The following SIPA1L2 variants were observed in gnomAD, a reference collection of about 807,000 sequenced individuals.
SIPA1L2 encodes signal-induced proliferation-associated 1-like protein 2.
Under a neutral mutation model 163.9 loss-of-function variants are expected in SIPA1L2, and 56 were observed. The ratio of observed to expected loss-of-function variants is 0.34; its 90% confidence interval spans 0.28 to 0.43. The LOEUF (loss-of-function observed/expected upper bound fraction) is 0.43. Ranked by LOEUF, SIPA1L2 falls within the 20% of genes least tolerant of loss-of-function variation. The pLI, the probability that SIPA1L2 is intolerant of heterozygous loss-of-function variation, is 1.00. For synonymous variants in SIPA1L2, 877 were observed against 865.7 expected, an observed-to-expected ratio of 1.01 and a Z score of -0.23; for missense variants, 1,974 against 2,193.5, an observed-to-expected ratio of 0.90 and a Z score of 2.00.
At chr1:232,484,299 T>G (rs1390778097) in intron 5 of SIPA1L2, among the ~76,000 whole-genome samples, 1 of 152,184 alleles carries the variant, frequency 6.6e-6, no homozygotes, top group Admixed American at 6.5e-5. Context: ...ATACTTCATC[T>G]TACACACTTC....
intron 10 of SIPA1L2, among the ~76,000 whole-genome samples, chr1:232,452,865 G>C (rs1369841782): frequency 6.6e-6 from 1 of 151,992 alleles, no homozygotes; most frequent in African/African-American, 2.4e-5. Context: ...AACAGCAGAG[G>C]GTGCATCAAG....
At chr1:232,413,962 G>A (rs764016992) in intron 19 of SIPA1L2, among the ~76,000 whole-genome samples, 6 of 152,166 alleles carry the variant, frequency 3.9e-5, no homozygotes, top group African/African-American at 7.2e-5. Flanking sequence ...TAAAGACAGC[G>A]TCCCTGTGCT....
intron 10 of SIPA1L2, among the ~76,000 whole-genome samples, chr1:232,452,760 G>C (rs561985808): frequency 1.3e-5 from 2 of 152,300 alleles, no homozygotes; most frequent in East Asian, 1.9e-4. Context: ...CCATTAAAGA[G>C]AGAGTTTGGG....
chr1:232,516,851 T>C (rs1249201818), intron 2 of SIPA1L2, among the ~76,000 whole-genome samples: 1 of 152,218 alleles, frequency 6.6e-6, no homozygotes, highest in African/African-American at 2.4e-5. Flanking sequence ...AGCTATATTA[T>C]AGCTTTTGTT....
intron 2 of SIPA1L2, among the ~76,000 whole-genome samples, chr1:232,556,573 T>C (rs1296803902): frequency 6.6e-6 from 1 of 152,178 alleles, no homozygotes; most frequent in Non-Finnish European, 1.5e-5. Flanking sequence ...ACCAGACAGA[T>C]AAGTGTGTCA....
chr1:232,561,998 C>A (rs1163185273), intron 2 of SIPA1L2, among the ~76,000 whole-genome samples: 3 of 152,222 alleles, frequency 2.0e-5, no homozygotes, highest in Non-Finnish European at 4.4e-5. Flanking sequence ...GCGCCAGCTG[C>A]TCTGAGAGGC....
chr1:232,561,927 C>G (rs1423189557), intron 2 of SIPA1L2, among the ~76,000 whole-genome samples: 6 of 152,196 alleles, frequency 3.9e-5, no homozygotes, highest in African/African-American at 1.4e-4. Context: ...GATTACTAAA[C>G]CTTTTCCAGG....
chr1:232,549,861 A>G (rs1414390710), intron 2 of SIPA1L2, among the ~76,000 whole-genome samples: 1 of 152,208 alleles, frequency 6.6e-6, no homozygotes, highest in Non-Finnish European at 1.5e-5. Flanking sequence ...GCCTTAGATT[A>G]TAATAACCAG....
intron 1 of SIPA1L2, among the ~76,000 whole-genome samples, chr1:232,615,547 A>T (rs542241175): frequency 3.2e-4 from 48 of 152,014 alleles, no homozygotes; most frequent in African/African-American, 1.1e-3. Context: ...CTCCCAAGAA[A>T]CCCTCTGGCT....
chr1:232,446,098 T>C (rs760769527), intron 10 of SIPA1L2, among the ~76,000 whole-genome samples: 4 of 152,172 alleles, frequency 2.6e-5, no homozygotes, highest in Non-Finnish European at 5.9e-5. Context: ...AGCCGTATGG[T>C]TATTAAAATG....
At chr1:232,534,400 A>G (rs7532227) in intron 2 of SIPA1L2, among the ~76,000 whole-genome samples, 103,170 of 152,142 alleles carry the variant, frequency 0.68, 36,608 homozygotes, top group Non-Finnish European at 0.8. Flanking sequence ...AAAATGGATC[A>G]AAGGCCTAAG....
chr1:232,574,316 G>A (rs905131481), intron 1 of SIPA1L2, among the ~76,000 whole-genome samples, 94 bp from the exon 2 acceptor site: 1 of 152,192 alleles, frequency 6.6e-6, no homozygotes, highest in Admixed American at 6.5e-5. Context: ...GGGGTCCACA[G>A]GGTCAAAACC....
intron 3 of SIPA1L2, among the ~76,000 whole-genome samples, chr1:232,500,378 G>C (rs1271522099): frequency 6.6e-6 from 1 of 152,112 alleles, no homozygotes; most frequent in African/African-American, 2.4e-5. Flanking sequence ...TGATGGATTT[G>C]GGCAGATAAA....
chr1:232,488,969 A>T (rs1032286415), intron 5 of SIPA1L2, among the ~76,000 whole-genome samples: 1 of 152,210 alleles, frequency 6.6e-6, no homozygotes, highest in African/African-American at 2.4e-5. Context: ...TGATGGTTAC[A>T]TCAGTCAACT....
intron 1 of SIPA1L2, among the ~76,000 whole-genome samples, chr1:232,623,409 T>A (rs1662918854): frequency 1.3e-5 from 2 of 151,954 alleles, no homozygotes; most frequent in Admixed American, 1.3e-4. Flanking sequence ...ATCGAGACCA[T>A]CCTGGCTAAC....
chr1:232,514,051 T>G lies in SIPA1L2; in HGVS notation c.1289A>C (p.Asn430Thr), dbSNP rs1358225363. The G allele has an allele frequency of 6.2e-7, 1 of 1,614,020 alleles. No homozygotes were observed. The highest frequency in any genetic ancestry group is 1.3e-5 in the African/African-American group (1 of 74,914). The change falls in exon 3 of 23, where the codon AAC becomes ACC. Residue 430 changes from asparagine to threonine, a missense_variant. Around this residue, in one of 3 missense-constraint regions of SIPA1L2, gnomAD observed 607 missense variants for 624.0 expected, o/e 0.97. Transcript: ENST00000674635. ...TTCCCCAGAACTGAAAGAGGATGAGTTGGCTCGAGAGAGCGCAATCCGCCT... is the reference window on the plus strand; with the variant it reads ...TTCCCCAGAACTGAAAGAGGATGAGGTGGCTCGAGAGAGCGCAATCCGCCT... ...GDRRIALSRA[N>T]SSSFSSGESC...
At chr1:232,545,149 C>T (rs1271010194) in intron 2 of SIPA1L2, among the ~76,000 whole-genome samples, 1 of 152,162 alleles carries the variant, frequency 6.6e-6, no homozygotes, top group Non-Finnish European at 1.5e-5. Context: ...CTGATAGCAA[C>T]TTTAATGCCT....
At chr1:232,461,220 G>A in intron 9 of SIPA1L2, 59 bp from the exon 10 acceptor site, 5 of 1,578,692 alleles carry the variant, frequency 3.2e-6, no homozygotes, top group Non-Finnish European at 3.4e-6. Flanking sequence ...ATGGGGCTCT[G>A]CCAAAGGTGC....
intron 1 of SIPA1L2, among the ~76,000 whole-genome samples, chr1:232,609,236 C>T (rs936978458): frequency 6.6e-6 from 1 of 152,102 alleles, no homozygotes; most frequent in African/African-American, 2.4e-5. Flanking sequence ...ATCCAGAATC[C>T]GTTTTGTTCA....
Sources: allele counts gnomAD v4.1 joint callset (sites outside exome capture counted in the v4.1 genomes callset), GRCh38; gene constraint gnomAD v4.1.1; regional missense constraint gnomAD v4.1.1; transcripts MANE v1.5; gene names NCBI Gene and HGNC (gene_info 2026-07-23, HGNC 2026-07-21).